VPS13D: variants seen among roughly 807,000 people sequenced by gnomAD.
The protein encoded by VPS13D is vacuolar protein sorting 13 homolog D, also known as intermembrane lipid transfer protein VPS13D.
Under a neutral mutation model 461.9 loss-of-function variants are expected in VPS13D, and 187 were observed. That is an observed-to-expected ratio of 0.40 (90% CI 0.36 to 0.46). VPS13D has a LOEUF of 0.46. Ranked by LOEUF, VPS13D falls within the 20% of genes least tolerant of loss-of-function variation. The pLI is 0.60. For missense variants in VPS13D, 4,711 were observed against 5,364.9 expected (o/e 0.88, Z 3.81); for synonymous variants, 1,951 against 1,986.3 (o/e 0.98, Z 0.47).
At position 12,277,532 on chromosome 1, in the gene VPS13D, G is replaced by C. The variant is rs1269283929; in HGVS notation, c.3944G>C (p.Arg1315Pro). ...ATGGATGAACTGGAAGAAAATTTTC[G>C]AGGTATGCTGAAAAGCGCAGCCACC... ...LSMDELEENF[R>P]GMLKSAATKV... The change falls in exon 19 of 70, where the codon CGA (arginine) becomes CCA (proline). Residue 1315 changes from arginine (R) to proline (P), a missense_variant. By Grantham distance (103) the Arg-to-Pro change is moderately radical. This residue lies in a region of VPS13D where 4,411 missense variants were observed against 4,937.8 expected (regional missense o/e 0.89). Transcript: ENST00000620676. The C allele has an allele frequency of 6.2e-7, 1 of 1,613,994 alleles. No individual in the cohort carries two copies. The highest frequency in any genetic ancestry group is 2.2e-5 in the East Asian group (1 of 44,888).
In VPS13D at chr1:12,292,435, C is replaced by CTTTT. The variant is rs886615855; in HGVS notation, c.5853-1070_5853-1067dup. Among the ~76,000 whole-genome samples, 126 of 96,910 alleles carry CTTTT rather than the reference C, an allele frequency of 1.3e-3. 1 individual carries two copies. Among genetic ancestry groups the CTTTT allele is most frequent in the Admixed American group, 2.1e-3 (17 of 8,026 alleles). 63.6% of individuals were successfully genotyped at this position (96,910 alleles called of 152,430 possible). On this transcript the variant is annotated intron_variant, in intron 23 of 69. Coordinates refer to ENST00000620676, the MANE Select transcript of VPS13D (RefSeq NM_015378.4). The stretch of plus-strand genomic sequence containing the variant: ...ATTGGTCTAGGGCCATGCTCAGTCT[C>CTTTT]TTTTTTTTTTTTTTTTTTTTTTGAG...
chr1:12,504,686 C>G (rs1646081098), intron 68 of VPS13D, among the ~76,000 whole-genome samples: 1 of 152,234 alleles, frequency 6.6e-6, no homozygotes, highest in African/African-American at 2.4e-5. Context: ...GCTGTGCTCT[C>G]TACTTTTCCG....
intron 67 of VPS13D, among the ~76,000 whole-genome samples, chr1:12,483,522 C>T (rs1028712187): frequency 1.3e-5 from 2 of 151,756 alleles, no homozygotes; most frequent in African/African-American, 4.8e-5. Flanking sequence ...TTGGTCTAAC[C>T]CTTCCAACAG....
intron 60 of VPS13D, among the ~76,000 whole-genome samples, chr1:12,397,588 G>A (rs1181333350): frequency 6.6e-6 from 1 of 152,172 alleles, no homozygotes; most frequent in Non-Finnish European, 1.5e-5. Flanking sequence ...CACTGTACTA[G>A]GTTCTGGAGA....
At chr1:12,504,076 G>C (rs1646071687) in intron 68 of VPS13D, among the ~76,000 whole-genome samples, 1 of 152,040 alleles carries the variant, frequency 6.6e-6, no homozygotes. Flanking sequence ...TTGATATGAG[G>C]CTCCATTAGA....
intron 36 of VPS13D, 67 bp downstream of exon 36, chr1:12,327,921 CT>C (rs368337255): frequency 0.13 from 133,159 of 1,018,972 alleles, no homozygotes; most frequent in South Asian, 0.19. Context: ...TATTTGGGGC[CT>C]TTTTTTTTTT....
chr1:12,343,682 AAAAAATAAAGACTT>A, intron 42 of VPS13D, among the ~76,000 whole-genome samples: 1 of 152,292 alleles, frequency 6.6e-6, no homozygotes, highest in East Asian at 1.9e-4. Context: ...GCCTCCTTTT[AAAAAATAAAGACTT>A]TGCTGCCATC....
At chr1:12,385,803 C>T (rs1245669754) in intron 59 of VPS13D, among the ~76,000 whole-genome samples, 1 of 152,076 alleles carries the variant, frequency 6.6e-6, no homozygotes, top group Non-Finnish European at 1.5e-5. Flanking sequence ...AAATCAAATG[C>T]CTATGTGTAA....
chr1:12,503,080 G>A (rs966687837), intron 68 of VPS13D, among the ~76,000 whole-genome samples: 6 of 152,162 alleles, frequency 3.9e-5, no homozygotes, highest in Non-Finnish European at 4.4e-5. Flanking sequence ...GAGGCCTGAG[G>A]CTGCTGTTGA....
chr1:12,392,691 T>C (rs1304757897), intron 60 of VPS13D, among the ~76,000 whole-genome samples: 1 of 152,140 alleles, frequency 6.6e-6, no homozygotes, highest in Non-Finnish European at 1.5e-5. Flanking sequence ...ACAGTAGTTA[T>C]CTGCAGAAGA....
intron 17 of VPS13D, among the ~76,000 whole-genome samples, chr1:12,271,511 A>T (rs1448187349): frequency 6.6e-6 from 1 of 151,966 alleles, no homozygotes; most frequent in African/African-American, 2.4e-5. Flanking sequence ...TCTACTAAAA[A>T]TACAAGAATT....
In VPS13D at chr1:12,314,243, T is replaced by C; in HGVS notation, c.7064T>C (p.Met2355Thr). Residue 2355 changes from methionine (M) to threonine (T), a missense_variant, in exon 30 of 70, where the codon ATG becomes ACG. Around this residue, in one of 3 missense-constraint regions of VPS13D, gnomAD observed 4,411 missense variants for 4,937.8 expected, o/e 0.89. Transcript: ENST00000620676. ...RYAGQKTSPG[M>T]TNVFSCIFQP... is the part of the protein sequence containing the mutation. ...GCTGGGCAGAAGACCAGCCCTGGCATGACGAATGTGTTCAGCTGTATCTTT... is the reference window on the plus strand; with the variant it reads ...GCTGGGCAGAAGACCAGCCCTGGCACGACGAATGTGTTCAGCTGTATCTTT... 3.7e-6 allele frequency: 6 copies of C among 1,614,204 alleles called. No individual in the cohort carries two copies. Among genetic ancestry groups the C allele is most frequent in the Non-Finnish European group, 5.1e-6 (6 of 1,180,024 alleles).
chr1:12,499,649 A>C, intron 68 of VPS13D: 1 of 985,464 alleles, frequency 1.0e-6, no homozygotes, highest in Non-Finnish European at 1.2e-6. Context: ...GCATGAATGA[A>C]TTTTGACTTT....
At position 12,261,952 on chromosome 1, in the gene VPS13D, A is replaced by G; in HGVS notation, c.1466A>G (p.Tyr489Cys). The G allele has an allele frequency of 6.2e-7, 1 of 1,614,180 alleles. No individual in the cohort carries two copies. Among genetic ancestry groups the G allele is most frequent in the Non-Finnish European group, 8.5e-7 (1 of 1,180,016 alleles). ...GCAGATGCCTCGTGTATGAACACGT[A>G]TACAAAGCGAGATCATGTCTTTGCC... ...PTADASCMNT[Y>C]TKRDHVFAKL... Residue 489 changes from tyrosine (Y) to cysteine (C), a missense_variant, in exon 13 of 70, where the codon TAT (tyrosine) becomes TGT (cysteine). By Grantham distance (194) the Tyr-to-Cys change is radical. This residue lies in a region of VPS13D where 4,411 missense variants were observed against 4,937.8 expected (regional missense o/e 0.89). Transcript: ENST00000620676.
At chr1:12,421,695 T>G (rs1644865301) in intron 65 of VPS13D, among the ~76,000 whole-genome samples, 2 of 152,226 alleles carry the variant, frequency 1.3e-5, no homozygotes, top group Non-Finnish European at 2.9e-5. Context: ...GAAACTGTGT[T>G]TGCTCTGCAC....
chr1:12,451,865 T>C (rs768561977), intron 65 of VPS13D, among the ~76,000 whole-genome samples: 14 of 152,262 alleles, frequency 9.2e-5, no homozygotes, highest in Non-Finnish European at 1.6e-4. Context: ...ATACTATTTT[T>C]ATTGAATGTC....
intron 2 of VPS13D, among the ~76,000 whole-genome samples, chr1:12,240,739 C>T (rs571742364): frequency 3.4e-5 from 5 of 147,192 alleles, no homozygotes; most frequent in East Asian, 2.0e-4. Context: ...TTCATTTTCT[C>T]CCCAAATGTG....
chr1:12,411,879 C>G (rs1228290279), intron 63 of VPS13D, among the ~76,000 whole-genome samples: 1 of 152,228 alleles, frequency 6.6e-6, no homozygotes, highest in African/African-American at 2.4e-5. Flanking sequence ...CCAGCTTCTT[C>G]ACGTGGTGGA....
At chr1:12,440,478 G>T (rs1359702594) in intron 65 of VPS13D, among the ~76,000 whole-genome samples, 1 of 152,196 alleles carries the variant, frequency 6.6e-6, no homozygotes, top group Non-Finnish European at 1.5e-5. Context: ...GATGAGAAAA[G>T]AGATGATTGA....
Sources: allele counts gnomAD v4.1 joint callset (sites outside exome capture counted in the v4.1 genomes callset), GRCh38; gene constraint gnomAD v4.1.1; regional missense constraint gnomAD v4.1.1; transcripts MANE v1.5; gene names NCBI Gene and HGNC (gene_info 2026-07-23, HGNC 2026-07-21).